The following CTNND2 variants were observed in gnomAD, a reference collection of about 807,000 sequenced individuals.
CTNND2 encodes the protein catenin delta-2.
Under a neutral mutation model 144.4 loss-of-function variants are expected in CTNND2, and 22 were observed. That is an observed-to-expected ratio of 0.15 (90% CI 0.11 to 0.22). The LOEUF (loss-of-function observed/expected upper bound fraction) is 0.22. Among genes scored for constraint, CTNND2 ranks in the 10% least tolerant of loss-of-function variants. CTNND2 has a pLI of 1.00. For missense variants in CTNND2, 1,353 were observed against 1,618.8 expected (o/e 0.84, Z 2.82); for synonymous variants, 751 against 695.6 (o/e 1.08, Z -1.25).
chr5:11,067,915 A>G (rs183853370), intron 16 of CTNND2, among the ~76,000 whole-genome samples: 57 of 152,266 alleles, frequency 3.7e-4, no homozygotes, highest in African/African-American at 1.3e-3. Flanking sequence ...TACTCTCTCT[A>G]TATATAGTAT....
At chr5:11,115,436 C>T (rs1196088111) in intron 13 of CTNND2, among the ~76,000 whole-genome samples, 1 of 152,190 alleles carries the variant, frequency 6.6e-6, no homozygotes, top group African/African-American at 2.4e-5. Flanking sequence ...TCTCCCAGTG[C>T]CTCACTCACC....
At chr5:11,844,620 A>G (rs1794645596) in intron 1 of CTNND2, among the ~76,000 whole-genome samples, 1 of 151,816 alleles carries the variant, frequency 6.6e-6, no homozygotes, top group Non-Finnish European at 1.5e-5. Context: ...ATATCCCAGA[A>G]CTCTAATTAT....
intron 18 of CTNND2, among the ~76,000 whole-genome samples, chr5:11,003,331 A>G (rs1165120500): frequency 6.6e-6 from 1 of 152,184 alleles, no homozygotes; most frequent in Non-Finnish European, 1.5e-5. Flanking sequence ...CTGGGGACCT[A>G]TTTTTCAGAT....
At chr5:11,229,975 A>G (rs1321677868) in intron 10 of CTNND2, among the ~76,000 whole-genome samples, 2 of 152,012 alleles carry the variant, frequency 1.3e-5, no homozygotes, top group African/African-American at 2.4e-5. Flanking sequence ...AAATGCACTT[A>G]GTATCCCCAA....
intron 1 of CTNND2, among the ~76,000 whole-genome samples, chr5:11,781,726 C>T (rs1790550576): frequency 6.6e-6 from 1 of 152,144 alleles, no homozygotes; most frequent in African/African-American, 2.4e-5. Flanking sequence ...CATTTCATTA[C>T]TGATCTTTTT....
chr5:11,825,680 T>C (rs919376557), intron 1 of CTNND2, among the ~76,000 whole-genome samples: 7 of 152,032 alleles, frequency 4.6e-5, no homozygotes, highest in African/African-American at 1.7e-4. Context: ...ATATTATTAT[T>C]AATTTGCTTT....
intron 16 of CTNND2, among the ~76,000 whole-genome samples, chr5:11,061,561 G>A (rs1387421161): frequency 6.6e-6 from 1 of 152,172 alleles, no homozygotes; most frequent in Non-Finnish European, 1.5e-5. Flanking sequence ...CCCAGATGGT[G>A]TAAGGTCTGG....
chr5:11,796,323 T>C (rs1791400767), intron 1 of CTNND2, among the ~76,000 whole-genome samples: 1 of 152,198 alleles, frequency 6.6e-6, no homozygotes, highest in African/African-American at 2.4e-5. Flanking sequence ...GATGCAGCAT[T>C]TCTGCCTACA....
intron 14 of CTNND2, among the ~76,000 whole-genome samples, chr5:11,106,942 C>T (rs1341019877): frequency 6.6e-6 from 1 of 152,074 alleles, no homozygotes; most frequent in Non-Finnish European, 1.5e-5. Context: ...ATGTGAAGAG[C>T]CAGAATCGTG....
chr5:11,816,445 C>T (rs995544184), intron 1 of CTNND2, among the ~76,000 whole-genome samples: 2 of 151,442 alleles, frequency 1.3e-5, no homozygotes, highest in Non-Finnish European at 2.9e-5. Context: ...AAACAACATG[C>T]ATCAGGGTCT....
chr5:11,657,696 G>C (rs1006443426), intron 2 of CTNND2, among the ~76,000 whole-genome samples: 21 of 152,008 alleles, frequency 1.4e-4, no homozygotes, highest in Admixed American at 6.6e-5. Context: ...AGTACATTTT[G>C]AATAACTTCA....
chr5:11,893,148 T>C (rs1400633508), intron 1 of CTNND2, among the ~76,000 whole-genome samples: 3 of 152,232 alleles, frequency 2.0e-5, no homozygotes, highest in African/African-American at 2.4e-5. Flanking sequence ...TCTGTAAACA[T>C]ACAGTATTTA....
intron 2 of CTNND2, among the ~76,000 whole-genome samples, chr5:11,568,048 A>C (rs972057146): frequency 6.6e-6 from 1 of 152,288 alleles, no homozygotes; most frequent in South Asian, 2.1e-4. Context: ...TGCCCTATGA[A>C]GGCAAGACAC....
rs892475981 is a variant in CTNND2 at position 11,714,117 on chromosome 5, A to G, written c.174+18019T>C. Among the ~76,000 whole-genome samples the G allele has an allele frequency of 3.3e-5, 5 of 152,208 alleles. No homozygotes were observed. The East Asian group carries it at 9.6e-4, about 29-fold the overall frequency. On this transcript the variant is annotated intron_variant, in intron 2 of 21. Transcript: ENST00000304623. ...TTTATTTTTAAAGAGAAAGTGAAAGATATTTCTCGTGATTGTATCTGAAAC... is the reference window on the plus strand; with the variant it reads ...TTTATTTTTAAAGAGAAAGTGAAAGGTATTTCTCGTGATTGTATCTGAAAC...
intron 1 of CTNND2, among the ~76,000 whole-genome samples, chr5:11,843,485 C>A (rs780719667): frequency 1.3e-5 from 2 of 152,180 alleles, no homozygotes; most frequent in Non-Finnish European, 2.9e-5. Flanking sequence ...GATTCCCAGA[C>A]AGCCTGTATC....
chr5:11,321,175 C>T (rs1416458402), intron 9 of CTNND2, among the ~76,000 whole-genome samples: 6 of 151,984 alleles, frequency 3.9e-5, no homozygotes, highest in Non-Finnish European at 7.4e-5. Context: ...TTTAAGTGAT[C>T]GGGAAAATTG....
chr5:11,030,343 A>G lies in CTNND2; in HGVS notation c.2789-7364T>C, dbSNP rs78822394. On this transcript the variant is annotated intron_variant, in intron 16 of 21. Transcript: ENST00000304623. ...CTAATAATCTCTCTATCCCTTTCCC[A>G]CTTTTTTTCTCCTGAGTCTTTTGTA... Among the ~76,000 whole-genome samples the G allele has an allele frequency of 6.6e-3, 1,001 of 151,862 alleles. 7 individuals are homozygous for G. The highest frequency in any genetic ancestry group is 0.011 in the Non-Finnish European group (734 of 67,906).
chr5:11,367,541 T>C (rs887217341), intron 7 of CTNND2, among the ~76,000 whole-genome samples: 3 of 152,206 alleles, frequency 2.0e-5, no homozygotes, highest in African/African-American at 4.8e-5. Context: ...TTCATCATTA[T>C]GGTCTATTTG....
chr5:11,036,927 A>G (rs767069909), intron 16 of CTNND2, among the ~76,000 whole-genome samples: 6 of 152,220 alleles, frequency 3.9e-5, no homozygotes, highest in Non-Finnish European at 7.3e-5. Flanking sequence ...GAAAAAATGA[A>G]AAGCTCAACC....
Sources: allele counts gnomAD v4.1 joint callset (sites outside exome capture counted in the v4.1 genomes callset), GRCh38; gene constraint gnomAD v4.1.1; transcripts MANE v1.5; gene names NCBI Gene and HGNC (gene_info 2026-07-23, HGNC 2026-07-21).